The following KCNK10 variants were observed in gnomAD, a reference collection of about 807,000 sequenced individuals.
KCNK10 encodes the protein potassium channel subfamily K member 10.
In KCNK10, 25 loss-of-function variants were observed where a neutral mutation model predicts 47.7. That is an observed-to-expected ratio of 0.52 (90% CI 0.38 to 0.73). The LOEUF is 0.73. KCNK10 is among the 30% of genes least tolerant of loss of function. The pLI is 0.00. For synonymous variants in KCNK10, 303 were observed against 285.6 expected, an observed-to-expected ratio of 1.06 and a Z score of -0.61; for missense variants, 563 against 714.5, an observed-to-expected ratio of 0.79 and a Z score of 2.42.
intron 1 of KCNK10, among the ~76,000 whole-genome samples, chr14:88,274,055 C>T (rs1887472093): frequency 7.8e-6 from 1 of 127,406 alleles, no homozygotes; most frequent in South Asian, 3.2e-4. Flanking sequence ...CCACCCCCCA[C>T]CCTGCCCTAG....
At chr14:88,248,745 CAA>C (rs112773415) in intron 2 of KCNK10, among the ~76,000 whole-genome samples, 11 of 137,448 alleles carry the variant, frequency 8.0e-5, no homozygotes, top group African/African-American at 2.6e-4. Context: ...GATTCTGTGC[CAA>C]AAAAAAAAAA....
chr14:88,320,624 A>G lies in KCNK10; in HGVS notation c.52+2123T>C, dbSNP rs1888527207. On this transcript the variant is annotated intron_variant, in intron 1 of 6. Coordinates refer to ENST00000319231, the MANE Select transcript of KCNK10 (RefSeq NM_138317.3). The stretch of plus-strand genomic sequence containing the variant: ...CCTGGCTGCCATCTCAGTCATTCCA[A>G]TTCCTTCACTTCACTTCCACACATT... 4.6e-5 allele frequency among the ~76,000 whole-genome samples: 7 copies of G among 151,978 alleles called. No homozygotes were observed. The South Asian group carries it at 1.5e-3, about 32-fold the overall frequency.
In KCNK10 at chr14:88,192,443, C is replaced by T. The variant is rs1884781329; in HGVS notation, c.682-33G>A. Reference sequence around the variant, plus strand: ...GAGCAAAGGAGAAAGATAGGCAAGTCAGCGGCATCACCCTGGATTCAGGAT... The same window carrying T: ...GAGCAAAGGAGAAAGATAGGCAAGTTAGCGGCATCACCCTGGATTCAGGAT... On this transcript the variant is annotated intron_variant, in intron 4 of 6. Coordinates refer to ENST00000319231, the MANE Select transcript of KCNK10 (RefSeq NM_138317.3). 2.5e-6 allele frequency: 4 copies of T among 1,579,490 alleles called. No individual in the cohort carries two copies. In the African/African-American group the frequency reaches 5.4e-5, roughly 21 times the overall value.
intron 1 of KCNK10, among the ~76,000 whole-genome samples, chr14:88,314,995 G>A (rs557131574): frequency 6.6e-4 from 100 of 152,208 alleles, no homozygotes; most frequent in African/African-American, 2.4e-3. Flanking sequence ...GGGAAGGAAG[G>A]GATCTCAACA....
At chr14:88,201,904 A>G (rs1204025216) in intron 4 of KCNK10, among the ~76,000 whole-genome samples, 1 of 152,218 alleles carries the variant, frequency 6.6e-6, no homozygotes, top group Non-Finnish European at 1.5e-5. Flanking sequence ...GACTCCAGGG[A>G]CACATGCTCC....
At chr14:88,199,023 G>A (rs1407006788) in intron 4 of KCNK10, among the ~76,000 whole-genome samples, 11 of 151,742 alleles carry the variant, frequency 7.2e-5, no homozygotes, top group African/African-American at 2.7e-4. Context: ...AGGTTCAAGC[G>A]ATTCTCCTGC....
rs145777026 is a variant in KCNK10 at position 88,309,809 on chromosome 14, T to C, written c.52+12938A>G. Among the ~76,000 whole-genome samples the C allele has an allele frequency of 1.9e-3, 296 of 152,190 alleles. 3 individuals are homozygous for C. In the East Asian group the frequency reaches 0.028, roughly 14 times the overall value. The stretch of plus-strand genomic sequence containing the variant: ...GAAGCCTCAATGGACTTGGATATCT[T>C]AAAAGTTCCTTCCACTTTATAAAGT... On this transcript the variant is annotated intron_variant, in intron 1 of 6. Transcript: ENST00000319231.
chr14:88,188,064 A>T lies in KCNK10; in HGVS notation c.914T>A (p.Val305Glu). The T allele has an allele frequency of 6.2e-7, 1 of 1,614,140 alleles. No homozygotes were observed. The highest frequency in any genetic ancestry group is 2.2e-5 in the East Asian group (1 of 44,882). Residue 305 changes from valine (V) to glutamate (E), a missense_variant, in exon 6 of 7, where the codon GTG becomes GAG. Coordinates refer to ENST00000319231, the MANE Select transcript of KCNK10 (RefSeq NM_138317.3). The part of the protein sequence containing the change: ...INYREWYKPL[V>E]WFWILVGLAY... ...AAGGCCAACAAGGATCCAAAACCAC[A>T]CTAGGGGCTTATACCACTCCCGATA...
chr14:88,287,938 A>G (rs1887801399), intron 1 of KCNK10, among the ~76,000 whole-genome samples: 1 of 152,134 alleles, frequency 6.6e-6, no homozygotes, highest in Non-Finnish European at 1.5e-5. Context: ...ACTGTTTTCC[A>G]TAGTGGTTGT....
At chr14:88,241,456 C>T (rs1886464922) in intron 2 of KCNK10, among the ~76,000 whole-genome samples, 1 of 152,176 alleles carries the variant, frequency 6.6e-6, no homozygotes, top group Non-Finnish European at 1.5e-5. Context: ...GTTTACCAAA[C>T]AGTAGCCAAT....
At position 88,180,676 on chromosome 14, in the gene KCNK10, T is replaced by A. The variant is rs1250424247; in HGVS notation, c.*4859A>T. 7.5e-6 allele frequency: 3 copies of A among 398,062 alleles called. No homozygotes were observed. Among genetic ancestry groups the A allele is most frequent in the Non-Finnish European group, 1.3e-5 (3 of 225,810 alleles). The allele number at this position is 398,062 out of a possible 1,614,324, so 24.7% of individuals were successfully genotyped here. On this transcript the variant is annotated 3_prime_UTR_variant, in exon 7 of 7. Transcript: ENST00000319231. ...AAAATGATAATAACTTTCAGTAAAA[T>A]CAGAGACACCTCTCATTTCTCCTCA...
chr14:88,232,630 A>T (rs990995109), intron 3 of KCNK10, among the ~76,000 whole-genome samples: 2 of 152,260 alleles, frequency 1.3e-5, no homozygotes, highest in African/African-American at 2.4e-5. Context: ...AACTTACAAT[A>T]CATTATTTTT....
intron 1 of KCNK10, among the ~76,000 whole-genome samples, chr14:88,316,894 T>C (rs887093607): frequency 8.5e-5 from 13 of 152,364 alleles, no homozygotes; most frequent in African/African-American, 2.9e-4. Context: ...TGAAGTTTCC[T>C]AATGAGGGGA....
At chr14:88,209,249 G>T (rs554984587) in intron 4 of KCNK10, among the ~76,000 whole-genome samples, 102 of 152,264 alleles carry the variant, frequency 6.7e-4, no homozygotes, top group Non-Finnish European at 4.7e-4. Flanking sequence ...ACTGGCCCTT[G>T]TTTTCAAGAT....
chr14:88,185,284 C>T lies in KCNK10; in HGVS notation c.*251G>A, dbSNP rs1056575690. On this transcript the variant is annotated 3_prime_UTR_variant, in exon 7 of 7. Transcript: ENST00000319231. This position sits in a 1 kb window ranked among gnomAD's most constrained non-coding sequence, Gnocchi z 4.3. ...GCCACTGAAATGCCCTTAACATGTACGGCCAGAACCGGCTACGTGCACGGA... is the reference window on the plus strand; with the variant it reads ...GCCACTGAAATGCCCTTAACATGTATGGCCAGAACCGGCTACGTGCACGGA... 4.3e-5 allele frequency: 21 copies of T among 483,238 alleles called. No individual in the cohort carries two copies. Among genetic ancestry groups the T allele is most frequent in the Admixed American group, 2.7e-4 (7 of 26,308 alleles). The allele number at this position is 483,238 out of a possible 1,614,324, so 29.9% of individuals were successfully genotyped here.
intron 1 of KCNK10, chr14:88,270,648 T>A (rs1003740446): frequency 5.2e-6 from 4 of 775,284 alleles, no homozygotes; most frequent in Non-Finnish European, 9.6e-6. Flanking sequence ...CAAGGCAGAC[T>A]GGGGGGAAGA....
In KCNK10 at chr14:88,185,345, G is replaced by T; in HGVS notation, c.*190C>A. The T allele has an allele frequency of 1.2e-6, 1 of 805,174 alleles. No homozygotes were observed. The highest frequency in any genetic ancestry group is 1.9e-6 in the Non-Finnish European group (1 of 530,712). The allele number at this position is 805,174 out of a possible 1,614,324, so 49.9% of individuals were successfully genotyped here. On this transcript the variant is annotated 3_prime_UTR_variant, in exon 7 of 7. Transcript: ENST00000319231. The surrounding 1 kb of genome is among the most constrained non-coding windows in gnomAD (Gnocchi z 4.3). ...GTGTCCTGCGTTTGCTATCTGAAAT[G>T]AAGTTCTTGTTCTCTGATTCCTTTT...
At chr14:88,296,175 A>G (rs1887980744) in intron 1 of KCNK10, among the ~76,000 whole-genome samples, 1 of 152,194 alleles carries the variant, frequency 6.6e-6, no homozygotes. Context: ...AACCGGACAT[A>G]AAGTAAATGC....
upstream of KCNK10, among the ~76,000 whole-genome samples, chr14:88,323,400 C>G (rs573129120): frequency 6.7e-6 from 1 of 149,354 alleles, no homozygotes; most frequent in South Asian, 2.1e-4. Flanking sequence ...TGGCGCGGCG[C>G]CCGGGCAGCG....
Sources: gnomAD v4.1 joint callset for allele counts (sites outside exome capture counted in the v4.1 genomes callset) on GRCh38, gnomAD v4.1.1 for gene constraint, Gnocchi (gnomAD v3.1) non-coding constraint, MANE v1.5 for transcripts, NCBI Gene and HGNC (gene_info 2026-07-23, HGNC 2026-07-21) for gene names.